The following RETREG1 variants were observed in gnomAD, a reference collection of about 807,000 sequenced individuals.
The protein encoded by RETREG1 is reticulophagy regulator 1.
Under a neutral mutation model 54.8 loss-of-function variants are expected in RETREG1, and 44 were observed. The ratio of observed to expected loss-of-function variants is 0.80; its 90% confidence interval spans 0.63 to 1.03. The LOEUF is 1.03. Ranked by LOEUF, RETREG1 falls within the 50% of genes least tolerant of loss-of-function variation. The pLI is 0.00. For synonymous variants in RETREG1, 217 were observed against 238.5 expected (o/e 0.91, Z 0.83); for missense variants, 554 against 605.1 (o/e 0.92, Z 0.89).
chr5:16,502,461 T>C (rs1265092163), intron 3 of RETREG1, among the ~76,000 whole-genome samples: 1 of 152,188 alleles, frequency 6.6e-6, no homozygotes, highest in Non-Finnish European at 1.5e-5. Context: ...TAAACGTGGG[T>C]CAATCCAAAG....
chr5:16,587,305 G>A (rs1042939811), intron 1 of RETREG1, among the ~76,000 whole-genome samples: 3 of 152,150 alleles, frequency 2.0e-5, no homozygotes, highest in South Asian at 2.1e-4. Context: ...CGCATGTAAT[G>A]TTCCTAAACA....
chr5:16,507,782 C>A (rs1218071138), intron 3 of RETREG1, among the ~76,000 whole-genome samples: 1 of 152,172 alleles, frequency 6.6e-6, no homozygotes, highest in Non-Finnish European at 1.5e-5. Flanking sequence ...TAGAGAGTTA[C>A]CAGTTTCCAC....
chr5:16,495,558 G>A (rs2126540441), intron 3 of RETREG1, among the ~76,000 whole-genome samples: 1 of 152,310 alleles, frequency 6.6e-6, no homozygotes, highest in East Asian at 1.9e-4. Context: ...AGAGGCCAAG[G>A]TACAGCTCGG....
intron 3 of RETREG1, among the ~76,000 whole-genome samples, chr5:16,502,490 G>A (rs982270565): frequency 1.3e-5 from 2 of 152,126 alleles, no homozygotes; most frequent in Non-Finnish European, 2.9e-5. Context: ...ATTTTTGCAG[G>A]CATTTAAAAA....
At chr5:16,493,348 T>G (rs1481395211) in intron 3 of RETREG1, among the ~76,000 whole-genome samples, 2 of 152,186 alleles carry the variant, frequency 1.3e-5, no homozygotes, top group East Asian at 3.8e-4. Context: ...ATAACTAGAC[T>G]TTCATAAGCC....
intron 1 of RETREG1, among the ~76,000 whole-genome samples, chr5:16,601,820 T>C (rs184104000): frequency 6.6e-6 from 1 of 152,278 alleles, no homozygotes; most frequent in East Asian, 1.9e-4. Flanking sequence ...GTCTATCAGT[T>C]TGAAATATCC....
chr5:16,536,106 A>G (rs1025265173), intron 3 of RETREG1, among the ~76,000 whole-genome samples: 2 of 152,214 alleles, frequency 1.3e-5, no homozygotes, highest in Admixed American at 6.5e-5. Flanking sequence ...AGTAACAGAG[A>G]AAGCAAGAGT....
intron 3 of RETREG1, among the ~76,000 whole-genome samples, chr5:16,538,086 C>A (rs1041617685): frequency 6.6e-6 from 1 of 152,190 alleles, no homozygotes; most frequent in Non-Finnish European, 1.5e-5. Context: ...GGGTTCCCAA[C>A]CAGACCAAGA....
At chr5:16,578,115 A>G (rs1251697173) in intron 1 of RETREG1, among the ~76,000 whole-genome samples, 1 of 152,278 alleles carries the variant, frequency 6.6e-6, no homozygotes, top group African/African-American at 2.4e-5. Context: ...ACCCCGTCTT[A>G]TTCAGGTCGC....
intron 1 of RETREG1, among the ~76,000 whole-genome samples, chr5:16,605,176 G>A (rs541828716): frequency 9.9e-5 from 15 of 152,212 alleles, no homozygotes; most frequent in South Asian, 8.3e-4. Context: ...GCTTACAGCC[G>A]GTCTCTGCAG....
chr5:16,545,629 C>T (rs1164969504), intron 3 of RETREG1, among the ~76,000 whole-genome samples: 3 of 152,190 alleles, frequency 2.0e-5, no homozygotes, highest in Non-Finnish European at 2.9e-5. Context: ...GGGTGCCCCT[C>T]ACTTGACTCC....
chr5:16,492,119 T>C (rs1032031156), intron 3 of RETREG1, among the ~76,000 whole-genome samples: 1 of 151,624 alleles, frequency 6.6e-6, no homozygotes, highest in Non-Finnish European at 1.5e-5. Context: ...CAGAGAAAAA[T>C]GACTCCCTTT....
chr5:16,565,692 AC>A, intron 3 of RETREG1, 70 bp downstream of exon 3: 1 of 1,487,382 alleles, frequency 6.7e-7, no homozygotes. Context: ...TTTCAGAGCT[AC>A]ATCTTGGTGG....
chr5:16,474,669 C>CTTTTTTTTTTTTTTTTTTTTTTTTCT lies in RETREG1; in HGVS notation c.*71_*72insAGAAAAAAAAAAAAAAAAAAAAAAAA. The CTTTTTTTTTTTTTTTTTTTTTTTTCT allele has an allele frequency of 7.9e-7, 1 of 1,264,832 alleles. No individual in the cohort carries two copies. Among genetic ancestry groups the CTTTTTTTTTTTTTTTTTTTTTTTTCT allele is most frequent in the South Asian group, 1.5e-5 (1 of 67,744 alleles). The allele number at this position is 1,264,832 out of a possible 1,614,324, so 78.4% of individuals were successfully genotyped here. ...CTTACAGTTCAATTTTTTTCTTTTC[C>CTTTTTTTTTTTTTTTTTTTTTTTTCT]TTTTTTTTTTTTTTTTCTTGTTTGA... On this transcript the variant is annotated 3_prime_UTR_variant, in exon 9 of 9. Transcript: ENST00000306320.
At chr5:16,515,251 G>T (rs976207576) in intron 3 of RETREG1, among the ~76,000 whole-genome samples, 1 of 152,032 alleles carries the variant, frequency 6.6e-6, no homozygotes, top group Non-Finnish European at 1.5e-5. Flanking sequence ...GAACCTGGAA[G>T]CCCCACAAGT....
chr5:16,589,125 C>T (rs1267373501), intron 1 of RETREG1, among the ~76,000 whole-genome samples: 5 of 152,156 alleles, frequency 3.3e-5, no homozygotes, highest in African/African-American at 1.2e-4. Context: ...GAAAACACCA[C>T]CCCCTTTGCT....
At position 16,585,681 on chromosome 5, in the gene RETREG1, T is replaced by C. The variant is rs993041439; in HGVS notation, c.321-13579A>G. ...CTGGGTAATTTATAAAGAAAAGAGA[T>C]TTAACTGGCTCTTGGTTCTGCAGGC... On this transcript the variant is annotated intron_variant, in intron 1 of 8. Coordinates refer to ENST00000306320, the MANE Select transcript of RETREG1 (RefSeq NM_001034850.3). This position sits in a 1 kb window ranked among gnomAD's most constrained non-coding sequence, Gnocchi z 4.5. 4.6e-5 allele frequency among the ~76,000 whole-genome samples: 7 copies of C among 152,044 alleles called. No homozygotes were observed. The highest frequency in any genetic ancestry group is 1.0e-4 in the Non-Finnish European group (7 of 67,996).
chr5:16,483,307 T>G, intron 4 of RETREG1, 39 bp downstream of exon 4: 1 of 1,610,516 alleles, frequency 6.2e-7, no homozygotes, highest in Non-Finnish European at 8.5e-7. Flanking sequence ...TCCAAGTAAC[T>G]GAACATTTTA....
chr5:16,609,085 T>C (rs1743271603), intron 1 of RETREG1, among the ~76,000 whole-genome samples: 1 of 152,040 alleles, frequency 6.6e-6, no homozygotes, highest in Non-Finnish European at 1.5e-5. Flanking sequence ...GCATTCCGAG[T>C]CCCACTAGCC....
Sources: gnomAD v4.1 joint callset for allele counts (sites outside exome capture counted in the v4.1 genomes callset) on GRCh38, gnomAD v4.1.1 for gene constraint, Gnocchi (gnomAD v3.1) non-coding constraint, MANE v1.5 for transcripts, NCBI Gene and HGNC (gene_info 2026-07-23, HGNC 2026-07-21) for gene names.